KIF5C: variants seen among roughly 807,000 people sequenced by gnomAD.
KIF5C encodes the protein kinesin heavy chain isoform 5C.
KIF5C carries 18 observed loss-of-function variants against 125.2 expected under a neutral mutation model. The observed-to-expected ratio is 0.14, with a 90% CI of 0.10 to 0.21. KIF5C has a LOEUF of 0.21. KIF5C is among the 10% of genes least tolerant of loss of function. The probability of loss-of-function intolerance (pLI) is 1.00; values close to 1 mark genes in which losing one functional copy is unlikely to be tolerated. For synonymous variants in KIF5C, 405 were observed against 434.0 expected, an observed-to-expected ratio of 0.93 and a Z score of 0.83; for missense variants, 780 against 1,183.8, an observed-to-expected ratio of 0.66 and a Z score of 5.01.
rs894588837 is a variant in KIF5C at position 148,922,313 on chromosome 2, C to T, written c.217+86C>T. The stretch of plus-strand genomic sequence containing the variant: ...TATTTGCAGCCTAGGAATCAATGTG[C>T]CTTGACTGTAAGCAGAGGCCTGCTA... On this transcript the variant is annotated intron_variant, in intron 2 of 25. Coordinates refer to ENST00000435030, the MANE Select transcript of KIF5C (RefSeq NM_004522.3). The T allele has an allele frequency of 4.1e-5, 34 of 832,000 alleles. No individual in the cohort carries two copies. In the South Asian group the frequency reaches 4.8e-4, roughly 12 times the overall value. The allele number at this position is 832,000 out of a possible 1,614,324, so 51.5% of individuals were successfully genotyped here.
chr2:149,000,549 C>G (rs750918553), intron 20 of KIF5C, 25 bp downstream of exon 20: 5 of 1,545,376 alleles, frequency 3.2e-6, no homozygotes, highest in Non-Finnish European at 3.5e-6. Flanking sequence ...AATATTTCCT[C>G]TATTTTCTCT....
At chr2:148,942,134 T>C in intron 6 of KIF5C, 144 bp downstream of exon 6, 1 of 914,838 alleles carries the variant, frequency 1.1e-6, no homozygotes, top group South Asian at 1.9e-5. Context: ...TTCATCTGGT[T>C]TTAAAAATTG....
chr2:149,024,515 A>AGTGTGTGTGTGTGTGT lies in KIF5C; in HGVS notation c.*1476_*1491dup, dbSNP rs10577971. Reference sequence around the variant, plus strand: ...GACTGTGTGGGTCGAAGGTAGCTCAAGTGTGTGTGTGTGTGTGTGTGTGTG... The same window carrying AGTGTGTGTGTGTGTGT: ...GACTGTGTGGGTCGAAGGTAGCTCAAGTGTGTGTGTGTGTGTGTGTGTGTGTGTGTGTGTGTGTGTG... On this transcript the variant is annotated 3_prime_UTR_variant, in exon 26 of 26. Coordinates refer to ENST00000435030, the MANE Select transcript of KIF5C (RefSeq NM_004522.3). 3 of 128,714 alleles carry AGTGTGTGTGTGTGTGT rather than the reference A, an allele frequency of 2.3e-5. No homozygotes were observed. Among genetic ancestry groups the AGTGTGTGTGTGTGTGT allele is most frequent in the African/African-American group, 8.5e-5 (3 of 35,338 alleles). The allele number at this position is 128,714 out of a possible 1,614,324, so 8.0% of individuals were successfully genotyped here. A position where few individuals can be genotyped will look rare whatever the true frequency, so the allele number is the denominator to read the frequency against.
chr2:148,950,444 C>T lies in KIF5C; in HGVS notation c.950C>T (p.Thr317Ile). ...TTCAATGAGGCTGAGACCAAGTCCA[C>T]ACTGATGTTCGGACAGAGGTACGTG... ...SVFNEAETKS[T>I]LMFGQRAKTI... The change falls in exon 10 of 26, where the codon ACA (threonine) becomes ATA (isoleucine). Residue 317 changes from threonine to isoleucine, a missense_variant. By Grantham distance (89) the Thr-to-Ile change is moderately conservative (BLOSUM62 -1). Transcript: ENST00000435030. 6.2e-7 allele frequency: 1 copy of T among 1,613,728 alleles called. No homozygotes were observed. Among genetic ancestry groups the T allele is most frequent in the Non-Finnish European group, 8.5e-7 (1 of 1,179,764 alleles).
At chr2:148,921,156 A>G (rs1558894651) in intron 1 of KIF5C, among the ~76,000 whole-genome samples, 1 of 152,184 alleles carries the variant, frequency 6.6e-6, no homozygotes, top group African/African-American at 2.4e-5. Flanking sequence ...CTTATTAAGC[A>G]TACAGTGATT....
rs754852664 is a variant in KIF5C, at chr2:148,922,233, T to C, written c.217+6T>C. The C allele has an allele frequency of 2.1e-5, 34 of 1,591,660 alleles. No homozygotes were observed. Among genetic ancestry groups the C allele is most frequent in the East Asian group, 6.7e-5 (3 of 44,754 alleles). On this transcript the variant is annotated splice_donor_region_variant and intron_variant, in intron 2 of 25. Coordinates refer to ENST00000435030, the MANE Select transcript of KIF5C (RefSeq NM_004522.3). ...TGCGAAGCAAATTGTCAAAGGTAAG[T>C]GCTATTTCTTTATTTCCTCCTGGGC...
At chr2:148,993,373 A>C (rs1681578804) in intron 16 of KIF5C, among the ~76,000 whole-genome samples, 2 of 152,216 alleles carry the variant, frequency 1.3e-5, no homozygotes, top group African/African-American at 4.8e-5. Context: ...AGCAACAAAC[A>C]CAGCTTCCAT....
At chr2:149,010,421 AG>A in intron 24 of KIF5C, 70 bp downstream of exon 24, 1 of 1,475,326 alleles carries the variant, frequency 6.8e-7, no homozygotes. Flanking sequence ...ATTTGCTAAA[AG>A]GTGAAGACAG....
At chr2:148,966,134 A>G (rs778431909) in intron 11 of KIF5C, among the ~76,000 whole-genome samples, 3 of 152,248 alleles carry the variant, frequency 2.0e-5, no homozygotes, top group Non-Finnish European at 2.9e-5. Flanking sequence ...TTCTAAACTT[A>G]CAGAAGGTGG....
intron 10 of KIF5C, among the ~76,000 whole-genome samples, chr2:148,954,090 C>G (rs1682735694): frequency 7.7e-6 from 1 of 129,208 alleles, no homozygotes; most frequent in South Asian, 2.8e-4. Flanking sequence ...CATTGTTTAA[C>G]TCCCACTTAT....
intron 12 of KIF5C, among the ~76,000 whole-genome samples, chr2:148,978,194 G>C (rs1321589932): frequency 6.6e-6 from 1 of 152,096 alleles, no homozygotes; most frequent in African/African-American, 2.4e-5. Context: ...GGTGGGGAGA[G>C]GTGGGCAGCG....
At chr2:148,884,699 A>G (rs1681462782) in intron 1 of KIF5C, among the ~76,000 whole-genome samples, 1 of 152,210 alleles carries the variant, frequency 6.6e-6, no homozygotes. Flanking sequence ...CACACATAAA[A>G]TATTAACAGT....
chr2:148,911,104 G>T (rs1033775915), intron 1 of KIF5C, among the ~76,000 whole-genome samples: 4 of 152,198 alleles, frequency 2.6e-5, no homozygotes, highest in Non-Finnish European at 5.9e-5. Flanking sequence ...GTGGGTTTGG[G>T]ACTCAGAGTT....
chr2:149,010,724 G>C (rs1391162024), intron 24 of KIF5C, among the ~76,000 whole-genome samples: 1 of 152,238 alleles, frequency 6.6e-6, no homozygotes, highest in Non-Finnish European at 1.5e-5. Flanking sequence ...GCACCCGGTG[G>C]GAGCATGAAG....
At chr2:148,903,027 C>T (rs1413474383) in intron 1 of KIF5C, among the ~76,000 whole-genome samples, 2 of 152,002 alleles carry the variant, frequency 1.3e-5, no homozygotes, top group East Asian at 1.9e-4. Context: ...GTAAGGCTGC[C>T]CTTGAGCTGT....
chr2:148,914,259 G>C (rs936280614), intron 1 of KIF5C, among the ~76,000 whole-genome samples: 3 of 152,168 alleles, frequency 2.0e-5, no homozygotes, highest in African/African-American at 7.2e-5. Context: ...AAGAGCTTGG[G>C]GGTGGGAGAG....
rs72620213 is a variant in KIF5C at position 149,018,891 on chromosome 2, A to T, written c.*8-4187A>T. 0.011 allele frequency among the ~76,000 whole-genome samples: 1,693 copies of T among 152,220 alleles called. 142 individuals carry two copies. In the East Asian group the frequency reaches 0.21, roughly 19 times the overall value. On this transcript the variant is annotated intron_variant, in intron 25 of 25. Coordinates refer to ENST00000435030, the MANE Select transcript of KIF5C (RefSeq NM_004522.3). ...ATATATATATATATGGGTTATATTT[A>T]TTGATATGTATCATATTAGAAATTA...
chr2:148,952,849 G>A (rs1402299721), intron 10 of KIF5C, among the ~76,000 whole-genome samples: 1 of 152,216 alleles, frequency 6.6e-6, no homozygotes, highest in Non-Finnish European at 1.5e-5. Flanking sequence ...TGCAAGTTCT[G>A]CTTTTCCTTC....
intron 10 of KIF5C, among the ~76,000 whole-genome samples, chr2:148,952,637 A>C (rs534836900): frequency 6.6e-6 from 1 of 152,108 alleles, no homozygotes; most frequent in Non-Finnish European, 1.5e-5. Flanking sequence ...CCAGTGTTGA[A>C]GCTAATTCTG....
Sources: gnomAD v4.1 joint callset for allele counts (sites outside exome capture counted in the v4.1 genomes callset) on GRCh38, gnomAD v4.1.1 for gene constraint, MANE v1.5 for transcripts, NCBI Gene and HGNC (gene_info 2026-07-23, HGNC 2026-07-21) for gene names.